Variants in SPECC1 observed in about 807,000 individuals in gnomAD.
SPECC1 encodes cytospin-B.
Under a neutral mutation model 104.1 loss-of-function variants are expected in SPECC1, and 62 were observed. That is an observed-to-expected ratio of 0.60 (90% CI 0.49 to 0.74). The LOEUF (loss-of-function observed/expected upper bound fraction) is 0.74. Ranked by LOEUF, SPECC1 falls within the 30% of genes least tolerant of loss-of-function variation. The pLI, the probability that SPECC1 is intolerant of heterozygous loss-of-function variation, is 0.00. For synonymous variants in SPECC1, 513 were observed against 501.6 expected (o/e 1.02, Z -0.30); for missense variants, 1,306 against 1,310.5 (o/e 1.00, Z 0.05).
At chr17:20,244,544 T>C (rs2151533508) in intron 7 of SPECC1, among the ~76,000 whole-genome samples, 1 of 152,260 alleles carries the variant, frequency 6.6e-6, no homozygotes, top group Middle Eastern at 3.4e-3. Flanking sequence ...TAAGGCAGTG[T>C]GGTTTAACTG....
Position 20,205,742 on chromosome 17 carries a change from G to C in SPECC1, c.1693G>C (p.Ala565Pro). ...TCATTTGCAGGGTGAGAAGCAGAAA[G>C]CCACAGAGGCCAGTGCTGTGGAGCA... ...KSHLQGEKQKATEASAVEQTA... is the reference protein window; with the variant it reads ...KSHLQGEKQKPTEASAVEQTA... Residue 565 changes from alanine to proline, a missense_variant, in exon 4 of 15, where the codon GCC (alanine) becomes CCC (proline). Ala to Pro is a conservative substitution (Grantham distance 27, BLOSUM62 -1). This residue lies in a region of SPECC1 where 1,177 missense variants were observed against 1,139.9 expected (regional missense o/e 1.03). Coordinates refer to ENST00000395527, the MANE Select transcript of SPECC1 (RefSeq NM_001243439.2). 6.2e-7 allele frequency: 1 copy of C among 1,614,204 alleles called. No homozygotes were observed. Among genetic ancestry groups the C allele is most frequent in the Middle Eastern group, 1.7e-4 (1 of 6,060 alleles).
In SPECC1 at chr17:20,257,597, A is replaced by G. The variant is rs1341460721; in HGVS notation, c.2827A>G (p.Ser943Gly). ...TTCCACCCGGGCATGGAAACCACAA[A>G]GCAAACTCAGGTATCGTGTTTCAAA... ...SASTRAWKPQ[S>G]KLSVERKDPL... The change falls in exon 11 of 15, where the codon AGC (serine) becomes GGC (glycine). Residue 943 changes from serine (S) to glycine (G), a missense_variant. Ser to Gly is a moderately conservative substitution (Grantham distance 56, BLOSUM62 0). This residue lies in a region of SPECC1 where 129 missense variants were observed against 170.6 expected (regional missense o/e 0.76). Coordinates refer to ENST00000395527, the MANE Select transcript of SPECC1 (RefSeq NM_001243439.2). 2.0e-5 allele frequency: 32 copies of G among 1,612,416 alleles called. No individual in the cohort carries two copies. The highest frequency in any genetic ancestry group is 2.7e-5 in the Non-Finnish European group (32 of 1,179,658).
intron 1 of SPECC1, among the ~76,000 whole-genome samples, chr17:20,046,012 T>TA (rs11327439): frequency 0.02 from 2,864 of 144,110 alleles, 47 homozygotes; most frequent in Middle Eastern, 0.064. Context: ...TATACCTTTC[T>TA]AAAAAAAAAA....
chr17:20,068,190 G>A (rs1302528968), intron 1 of SPECC1, among the ~76,000 whole-genome samples: 2 of 152,062 alleles, frequency 1.3e-5, no homozygotes, highest in East Asian at 3.9e-4. Context: ...CAAACTTCTG[G>A]GCTCAAGTGA....
intron 3 of SPECC1, among the ~76,000 whole-genome samples, chr17:20,196,561 C>T (rs532778161): frequency 6.6e-6 from 1 of 152,210 alleles, no homozygotes; most frequent in Non-Finnish European, 1.5e-5. Flanking sequence ...AATCCTTTCA[C>T]GACTTACACA....
At chr17:20,246,477 G>T (rs1213484844) in intron 8 of SPECC1, among the ~76,000 whole-genome samples, 2 of 152,100 alleles carry the variant, frequency 1.3e-5, no homozygotes, top group African/African-American at 4.8e-5. Context: ...GGCCCTCTTG[G>T]AGGCACCCCT....
intron 3 of SPECC1, among the ~76,000 whole-genome samples, chr17:20,119,231 T>G (rs1196628383): frequency 6.6e-6 from 1 of 152,230 alleles, no homozygotes; most frequent in Non-Finnish European, 1.5e-5. Context: ...TTTCTGAAGC[T>G]TTTATTTTTT....
At chr17:20,099,272 T>A (rs1270500447) in intron 2 of SPECC1, among the ~76,000 whole-genome samples, 2 of 152,190 alleles carry the variant, frequency 1.3e-5, no homozygotes, top group African/African-American at 4.8e-5. Flanking sequence ...TTTATTATTA[T>A]TTTTTCTATA....
chr17:20,193,447 T>G (rs890945823), intron 3 of SPECC1, among the ~76,000 whole-genome samples: 4 of 152,212 alleles, frequency 2.6e-5, no homozygotes, highest in Non-Finnish European at 5.9e-5. Context: ...AGAGAACGCT[T>G]AATCCTAAGG....
At chr17:20,045,064 C>T (rs1169343162) in intron 1 of SPECC1, among the ~76,000 whole-genome samples, 2 of 152,216 alleles carry the variant, frequency 1.3e-5, no homozygotes, top group African/African-American at 2.4e-5. Flanking sequence ...GTAAAAATTA[C>T]AAGCAGTATA....
chr17:20,086,258 G>A (rs908804876), intron 1 of SPECC1, among the ~76,000 whole-genome samples: 1 of 152,182 alleles, frequency 6.6e-6, no homozygotes, highest in Non-Finnish European at 1.5e-5. Context: ...GAATTTTCCT[G>A]GGGAAGTAGC....
chr17:20,178,539 G>A (rs2034636630), intron 3 of SPECC1, among the ~76,000 whole-genome samples: 1 of 152,132 alleles, frequency 6.6e-6, no homozygotes, highest in African/African-American at 2.4e-5. Flanking sequence ...GCAGAAGAAA[G>A]CATTAACCAG....
At chr17:20,174,802 G>A (rs796527526) in intron 3 of SPECC1, among the ~76,000 whole-genome samples, 1 of 152,196 alleles carries the variant, frequency 6.6e-6, no homozygotes, top group East Asian at 1.9e-4. Flanking sequence ...GACTCAGGAG[G>A]TCAGCGCCTA....
chr17:20,238,369 C>G (rs2039035211), intron 7 of SPECC1: 2 of 1,041,304 alleles, frequency 1.9e-6, no homozygotes, highest in Non-Finnish European at 2.3e-6. Context: ...TTGTGAAGAT[C>G]CAAATCCAAT....
chr17:20,181,072 T>A (rs1257237702), intron 3 of SPECC1, among the ~76,000 whole-genome samples: 1 of 152,096 alleles, frequency 6.6e-6, no homozygotes. Flanking sequence ...TGTAAAATAA[T>A]CTCTGCACCA....
intron 1 of SPECC1, among the ~76,000 whole-genome samples, chr17:20,085,327 T>A (rs1230096003): frequency 6.6e-6 from 1 of 152,188 alleles, no homozygotes; most frequent in Non-Finnish European, 1.5e-5. Flanking sequence ...AAGTCAGATG[T>A]GTCTGTGTCA....
At chr17:20,011,970 T>A (rs989925510) in intron 1 of SPECC1, among the ~76,000 whole-genome samples, 2 of 152,212 alleles carry the variant, frequency 1.3e-5, no homozygotes, top group Non-Finnish European at 2.9e-5. Context: ...CTTTAGAAAT[T>A]ACTTCAGCAA....
At chr17:20,032,840 G>A (rs909340114) in intron 1 of SPECC1, among the ~76,000 whole-genome samples, 40 of 151,812 alleles carry the variant, frequency 2.6e-4, no homozygotes, top group African/African-American at 8.7e-4. Context: ...ACCACAGAAA[G>A]TATGGTTCAT....
At chr17:20,133,823 G>A (rs1292063758) in intron 3 of SPECC1, among the ~76,000 whole-genome samples, 1 of 152,096 alleles carries the variant, frequency 6.6e-6, no homozygotes, top group Non-Finnish European at 1.5e-5. Context: ...GCCCCTCCCG[G>A]CTTTGCACTC....
Sources: gnomAD v4.1 joint callset for allele counts (sites outside exome capture counted in the v4.1 genomes callset) on GRCh38, gnomAD v4.1.1 for gene constraint, gnomAD v4.1.1 regional missense constraint, MANE v1.5 for transcripts, NCBI Gene and HGNC (gene_info 2026-07-23, HGNC 2026-07-21) for gene names.